The following RNF6 variants were observed in gnomAD, a reference collection of about 807,000 sequenced individuals.
RNF6 encodes E3 ubiquitin-protein ligase RNF6.
In RNF6, 21 loss-of-function variants were observed where a neutral mutation model predicts 50.1. The observed-to-expected ratio is 0.42, with a 90% CI of 0.30 to 0.60. The LOEUF is 0.60. Among genes scored for constraint, RNF6 ranks in the 20% least tolerant of loss-of-function variants. RNF6 has a pLI of 0.20. For synonymous variants in RNF6, 255 were observed against 291.8 expected (o/e 0.87, Z 1.29); for missense variants, 698 against 838.2 (o/e 0.83, Z 2.07).
chr13:26,184,348 A>C (rs1873415281), intron 5 of RNF6, among the ~76,000 whole-genome samples: 1 of 152,108 alleles, frequency 6.6e-6, no homozygotes, highest in Non-Finnish European at 1.5e-5. Flanking sequence ...ATTATATTCT[A>C]ATCAGTCTCC....
At chr13:26,182,582 G>A (rs1490129580) in intron 5 of RNF6, among the ~76,000 whole-genome samples, 1 of 152,216 alleles carries the variant, frequency 6.6e-6, no homozygotes, top group Non-Finnish European at 1.5e-5. Flanking sequence ...GGAGACAGAG[G>A]TGGGCCGATT....
At chr13:26,156,846 A>G (rs1429174902) in intron 5 of RNF6, among the ~76,000 whole-genome samples, 1 of 152,222 alleles carries the variant, frequency 6.6e-6, no homozygotes, top group Non-Finnish European at 1.5e-5. Context: ...CTCGTTACCT[A>G]CACTGAATTA....
Position 26,214,971 on chromosome 13 carries a change from C to A in RNF6, c.911G>T (p.Arg304Leu), listed in dbSNP as rs776378212. 1 of 1,614,188 alleles carries A rather than the reference C, an allele frequency of 6.2e-7. No individual in the cohort carries two copies. ...TNQRLEPIRL[R>L]STSNSRSRSP... ...ACGGCTTCGACTATTGGAAGTAGAT[C>A]GTAATCTTATTGGCTCTAATCTTTG... The change falls in exon 5 of 5, where the codon CGA becomes CTA. Residue 304 changes from arginine to leucine, a missense_variant. By Grantham distance (102) the Arg-to-Leu change is moderately radical. Coordinates refer to ENST00000381588, the MANE Select transcript of RNF6 (RefSeq NM_005977.4).
chr13:26,138,137 A>G (rs1870745056), intron 5 of RNF6, among the ~76,000 whole-genome samples: 1 of 152,188 alleles, frequency 6.6e-6, no homozygotes, highest in African/African-American at 2.4e-5. Context: ...AAGTTACACT[A>G]AAAAATATTA....
intron 5 of RNF6, among the ~76,000 whole-genome samples, chr13:26,150,048 GTA>G (rs71813042): frequency 0.045 from 3,747 of 84,022 alleles, 464 homozygotes; most frequent in African/African-American, 0.068. Flanking sequence ...TATATAATGT[GTA>G]TATATATATA....
intron 5 of RNF6, among the ~76,000 whole-genome samples, chr13:26,184,054 T>C (rs1873395069): frequency 7.5e-6 from 1 of 132,808 alleles, no homozygotes; most frequent in African/African-American, 3.0e-5. Flanking sequence ...TGAGACAGAG[T>C]CTCGCTCTGT....
At chr13:26,198,247 T>C (rs958925343) in intron 5 of RNF6, among the ~76,000 whole-genome samples, 7 of 151,520 alleles carry the variant, frequency 4.6e-5, no homozygotes, top group Admixed American at 2.0e-4. Context: ...GCCAGCAGGA[T>C]AGAGACCCAG....
At chr13:26,157,075 C>T (rs540102724) in intron 5 of RNF6, among the ~76,000 whole-genome samples, 321 of 152,140 alleles carry the variant, frequency 2.1e-3, no homozygotes, top group African/African-American at 7.3e-3. Flanking sequence ...GCTGGGGAAA[C>T]GGGGAATGAC....
chr13:26,184,014 ATATATTTTT>A (rs1313032182), intron 5 of RNF6, among the ~76,000 whole-genome samples: 539 of 57,682 alleles, frequency 9.3e-3, no homozygotes, highest in South Asian at 0.013. Context: ...ATATATATAT[ATATATTTTT>A]TTTTTTTTTT....
At chr13:26,154,626 G>A (rs892787295) in intron 5 of RNF6, among the ~76,000 whole-genome samples, 4 of 152,144 alleles carry the variant, frequency 2.6e-5, no homozygotes, top group Non-Finnish European at 4.4e-5. Context: ...CTGCCTATCT[G>A]ATAGAGCCAT....
chr13:26,206,448 T>G (rs998508884), intron 5 of RNF6, among the ~76,000 whole-genome samples: 1 of 152,234 alleles, frequency 6.6e-6, no homozygotes, highest in African/African-American at 2.4e-5. Flanking sequence ...CAAGGTAAAC[T>G]TGAACTGTTG....
At chr13:26,153,737 T>G (rs1395112372) in intron 5 of RNF6, among the ~76,000 whole-genome samples, 1 of 152,150 alleles carries the variant, frequency 6.6e-6, no homozygotes, top group Non-Finnish European at 1.5e-5. Flanking sequence ...TCCTTTAAAT[T>G]TTTTATTTCA....
intron 5 of RNF6, among the ~76,000 whole-genome samples, chr13:26,175,676 A>T (rs1407937871): frequency 6.6e-6 from 1 of 152,166 alleles, no homozygotes; most frequent in Non-Finnish European, 1.5e-5. Flanking sequence ...AGTGGGGGAA[A>T]ACCAGGACAG....
At chr13:26,170,413 C>T (rs1000620454) in intron 5 of RNF6, among the ~76,000 whole-genome samples, 5 of 152,196 alleles carry the variant, frequency 3.3e-5, no homozygotes, top group African/African-American at 9.7e-5. Flanking sequence ...ATGTTCAAAT[C>T]CTTGGGTGAA....
At chr13:26,137,882 A>G (rs1458003337) in intron 5 of RNF6, among the ~76,000 whole-genome samples, 1 of 152,076 alleles carries the variant, frequency 6.6e-6, no homozygotes, top group Non-Finnish European at 1.5e-5. Flanking sequence ...TACCAACATA[A>G]GCATAATGAA....
At chr13:26,186,639 T>C (rs1396180540) in intron 5 of RNF6, among the ~76,000 whole-genome samples, 1 of 152,324 alleles carries the variant, frequency 6.6e-6, no homozygotes, top group East Asian at 1.9e-4. Flanking sequence ...TCTTCTCAGC[T>C]CTCACAGGGC....
At chr13:26,218,168 CG>C (rs1363812962) in intron 4 of RNF6, among the ~76,000 whole-genome samples, 1 of 152,124 alleles carries the variant, frequency 6.6e-6, no homozygotes, top group Non-Finnish European at 1.5e-5. Flanking sequence ...TCTTTCTACA[CG>C]GTTCTGTATA....
chr13:26,142,558 C>A (rs1417065498), intron 5 of RNF6, among the ~76,000 whole-genome samples: 1 of 152,162 alleles, frequency 6.6e-6, no homozygotes, highest in Non-Finnish European at 1.5e-5. Context: ...AGAATGAAAT[C>A]ATGTCCTTTG....
In RNF6 at chr13:26,154,562, C is replaced by T. The variant is rs116540336; in HGVS notation, n.769-22111G>A. Among the ~76,000 whole-genome samples the T allele has an allele frequency of 5.6e-3, 855 of 152,254 alleles. 15 individuals carry two copies. The highest frequency in any genetic ancestry group is 0.02 in the African/African-American group (814 of 41,550). On this transcript the variant is annotated intron_variant and non_coding_transcript_variant, in intron 5 of 5. Coordinates refer to the RNF6 transcript ENST00000468480. The stretch of plus-strand genomic sequence containing the variant: ...GCAAATATTTATTGAGTAGCTGCCA[C>T]ATACTGGTATTTATCTAGGTGCTTG...
Sources: gnomAD v4.1 joint callset for allele counts (sites outside exome capture counted in the v4.1 genomes callset) on GRCh38, gnomAD v4.1.1 for gene constraint, MANE v1.5 for transcripts, NCBI Gene and HGNC (gene_info 2026-07-23, HGNC 2026-07-21) for gene names.